The following ASXL1 variants were observed in gnomAD, a reference collection of about 807,000 sequenced individuals.
The protein encoded by ASXL1 is ASXL transcriptional regulator 1, also known as polycomb group protein ASXL1.
A neutral mutation model predicts 89.1 loss-of-function variants in ASXL1; 65 were observed. That is an observed-to-expected ratio of 0.73 (90% confidence interval 0.60 to 0.90). ASXL1 has a LOEUF of 0.90. Among genes scored for constraint, ASXL1 ranks in the 40% least tolerant of loss-of-function variants. The probability of loss-of-function intolerance (pLI) is 0.00; values close to 1 mark genes in which losing one functional copy is unlikely to be tolerated. For missense variants in ASXL1, 1,786 were observed against 1,942.9 expected, an observed-to-expected ratio of 0.92 and a Z score of 1.52; for synonymous variants, 739 against 746.9, an observed-to-expected ratio of 0.99 and a Z score of 0.17.
intron 4 of ASXL1, among the ~76,000 whole-genome samples, chr20:32,378,433 G>A (rs1287436940): frequency 6.6e-6 from 1 of 152,096 alleles, no homozygotes; most frequent in Non-Finnish European, 1.5e-5. Context: ...TTGGAGTTTT[G>A]GATTAGGGAT....
intron 4 of ASXL1, among the ~76,000 whole-genome samples, chr20:32,421,254 C>CAA (rs568332856): frequency 7.3e-6 from 1 of 137,362 alleles, no homozygotes. Context: ...AAAAAAACTT[C>CAA]AAAAAAAAAA....
rs1190695229 is a variant in ASXL1 at position 32,391,614 on chromosome 20, C to A, written c.252+22491C>A. Among the ~76,000 whole-genome samples the A allele has an allele frequency of 7.2e-5, 11 of 152,278 alleles. No homozygotes were observed. The Middle Eastern group carries it at 0.014, about 188-fold the overall frequency. On this transcript the variant is annotated intron_variant, in intron 4 of 12. Transcript: ENST00000375687. ...AAGCGATCCTCTCACCTCAGCCTCCCAGGTAGCTGAGAGTACAGGTGTGTG... is the reference window on the plus strand; with the variant it reads ...AAGCGATCCTCTCACCTCAGCCTCCAAGGTAGCTGAGAGTACAGGTGTGTG...
At chr20:32,363,986 A>G (rs1321737959) in intron 1 of ASXL1, among the ~76,000 whole-genome samples, 1 of 152,222 alleles carries the variant, frequency 6.6e-6, no homozygotes, top group Non-Finnish European at 1.5e-5. Flanking sequence ...CATTGTAGGC[A>G]TTACTTACAT....
At chr20:32,431,133 C>A (rs1284254516) in intron 8 of ASXL1, 188 bp from the exon 9 acceptor site, 1 of 764,228 alleles carries the variant, frequency 1.3e-6, no homozygotes, top group South Asian at 1.5e-5. Flanking sequence ...CAAGTGTTCT[C>A]CTGGGTTTGA....
intron 12 of ASXL1, 123 bp downstream of exon 12, chr20:32,434,040 A>T (rs2011633057): frequency 7.2e-7 from 1 of 1,395,898 alleles, no homozygotes; most frequent in South Asian, 1.2e-5. Flanking sequence ...GCTTTTTATG[A>T]GAGGTTTGCT....
chr20:32,390,031 T>C (rs976760566), intron 4 of ASXL1, among the ~76,000 whole-genome samples: 3 of 152,270 alleles, frequency 2.0e-5, no homozygotes, highest in African/African-American at 4.8e-5. Flanking sequence ...CCTTGACTTA[T>C]GATGTTTTTG....
At chr20:32,421,236 T>C (rs1039768489) in intron 4 of ASXL1, among the ~76,000 whole-genome samples, 6 of 113,680 alleles carry the variant, frequency 5.3e-5, no homozygotes, top group Non-Finnish European at 9.6e-5. Context: ...AAAGTAAAAT[T>C]TAAAAAAAAA....
At position 32,435,170 on chromosome 20, in the gene ASXL1, G is replaced by A. The variant is rs757201886; in HGVS notation, c.2458G>A (p.Asp820Asn). 6.2e-7 allele frequency: 1 copy of A among 1,613,918 alleles called. No individual in the cohort carries two copies. Among genetic ancestry groups the A allele is most frequent in the South Asian group, 1.1e-5 (1 of 91,080 alleles). ...TGGTCCCATTCCGTCTCTAGTGGGA[G>A]ATGATACATTAGAGAAAGGAACTGG... ...DNGPIPSLVG[D>N]DTLEKGTGQA... The change falls in exon 13 of 13, where the codon GAT becomes AAT. Residue 820 changes from aspartate to asparagine, a missense_variant. This residue lies in a region of ASXL1 where 1,418 missense variants were observed against 1,427.8 expected (regional missense o/e 0.99). Coordinates refer to ENST00000375687, the MANE Select transcript of ASXL1 (RefSeq NM_015338.6).
At position 32,429,400 on chromosome 20, in the gene ASXL1, G is replaced by C; in HGVS notation, c.534G>C (p.Lys178Asn). ...CTCGAGTTGTCCTGACTCCTCTGAAGGTAAACGGGGCCCACGTGGAATCTG... is the reference window on the plus strand; with the variant it reads ...CTCGAGTTGTCCTGACTCCTCTGAACGTAAACGGGGCCCACGTGGAATCTG... The part of the protein sequence containing the change: ...MLPRVVLTPL[K>N]VNGAHVESAS... Residue 178 changes from lysine to asparagine, a missense_variant, in exon 7 of 13, where the codon AAG becomes AAC. Lys to Asn is a moderately conservative substitution (Grantham distance 94). Coordinates refer to ENST00000375687, the MANE Select transcript of ASXL1 (RefSeq NM_015338.6). This position sits in a 1 kb window ranked among gnomAD's most constrained non-coding sequence, Gnocchi z 4.9. 6.2e-7 allele frequency: 1 copy of C among 1,614,184 alleles called. No individual in the cohort carries two copies. Among genetic ancestry groups the C allele is most frequent in the African/African-American group, 1.3e-5 (1 of 75,046 alleles).
chr20:32,373,713 G>C (rs2048335906), intron 4 of ASXL1, among the ~76,000 whole-genome samples: 1 of 151,798 alleles, frequency 6.6e-6, no homozygotes, highest in Admixed American at 6.6e-5. Flanking sequence ...CTGAAAATGC[G>C]AAAATTAGCT....
chr20:32,399,664 T>C (rs1480265930), intron 4 of ASXL1, among the ~76,000 whole-genome samples: 3 of 151,744 alleles, frequency 2.0e-5, no homozygotes, highest in African/African-American at 7.3e-5. Context: ...TCTATTTCTG[T>C]GCCTTTGAAT....
chr20:32,416,554 C>T (rs142566140), intron 4 of ASXL1, among the ~76,000 whole-genome samples: 7 of 152,222 alleles, frequency 4.6e-5, no homozygotes, highest in Admixed American at 1.3e-4. Flanking sequence ...AATAGTGTAC[C>T]ATATCAATAT....
At chr20:32,398,126 A>T (rs776537676) in intron 4 of ASXL1, among the ~76,000 whole-genome samples, 41 of 152,242 alleles carry the variant, frequency 2.7e-4, no homozygotes, top group Non-Finnish European at 5.4e-4. Context: ...AATACATTTA[A>T]AATTCATTCA....
chr20:32,432,979 G>T lies in ASXL1; in HGVS notation c.1079G>T (p.Gly360Val). ...GAAAAGTTCTTTGAAGACTACTATG[G>T]ACAGAAGTAAGGCAGTTGGAGCTAT... ...WKEKFFEDYY[G>V]QKLGLTKEES... is the part of the protein sequence containing the mutation. Residue 360 changes from glycine (G) to valine (V), a missense_variant, in exon 11 of 13, where the codon GGA becomes GTA. Physicochemically the swap from Gly to Val is moderately radical, Grantham distance 109. Transcript: ENST00000375687. The T allele has an allele frequency of 6.2e-7, 1 of 1,613,810 alleles. No individual in the cohort carries two copies. Among genetic ancestry groups the T allele is most frequent in the South Asian group, 1.1e-5 (1 of 91,052 alleles).
chr20:32,358,573 C>T lies in ASXL1; in HGVS notation c.-203C>T, dbSNP rs1367011767. The T allele has an allele frequency of 5.0e-6, 1 of 201,824 alleles. No individual in the cohort carries two copies. The highest frequency in any genetic ancestry group is 1.0e-5 in the Non-Finnish European group (1 of 98,810). The allele number at this position is 201,824 out of a possible 1,614,324, so 12.5% of individuals were successfully genotyped here. On this transcript the variant is annotated 5_prime_UTR_variant, in exon 1 of 13. Transcript: ENST00000375687. ...GACGCAGCGCGGGCGCGTGGAGCCG[C>T]CGCCGCCCCTCCCCCACCGCCGCTC...
chr20:32,398,283 G>A (rs1245375299), intron 4 of ASXL1, among the ~76,000 whole-genome samples: 2 of 151,902 alleles, frequency 1.3e-5, no homozygotes, highest in Non-Finnish European at 2.9e-5. Flanking sequence ...GTGCAGTGAC[G>A]CGATCTCGGC....
chr20:32,388,715 G>A (rs892928944), intron 4 of ASXL1, among the ~76,000 whole-genome samples: 4 of 152,042 alleles, frequency 2.6e-5, no homozygotes, highest in African/African-American at 9.7e-5. Context: ...GCCTTTTCCA[G>A]TTTTATTATC....
intron 4 of ASXL1, among the ~76,000 whole-genome samples, chr20:32,423,385 A>G (rs6141308): frequency 0.36 from 53,251 of 148,470 alleles, 10,453 homozygotes; most frequent in East Asian, 0.74. Flanking sequence ...GTGTGCCACC[A>G]TGCCTAGCTA....
rs1488122267 is a variant in ASXL1 at position 32,426,541 on chromosome 20, CTTTTTTTTCTTTCTT to C, written c.253-1578_253-1564del. 6.9e-4 allele frequency among the ~76,000 whole-genome samples: 64 copies of C among 92,544 alleles called. 1 individual carries two copies. Among genetic ancestry groups the C allele is most frequent in the South Asian group, 6.4e-3 (16 of 2,510 alleles). The allele number at this position is 92,544 out of a possible 152,430, so 60.7% of individuals were successfully genotyped here. On this transcript the variant is annotated intron_variant, in intron 4 of 12. Transcript: ENST00000375687. ...AGGTAAAGATGTAGAAAACTGTTTT[CTTTTTTTTCTTTCTT>C]TTTTTTTTTTTTTTTTTTTTTTGAG...
Sources: allele counts gnomAD v4.1 joint callset (sites outside exome capture counted in the v4.1 genomes callset), GRCh38; gene constraint gnomAD v4.1.1; regional missense constraint gnomAD v4.1.1; non-coding constraint Gnocchi (gnomAD v3.1); transcripts MANE v1.5; gene names NCBI Gene and HGNC (gene_info 2026-07-23, HGNC 2026-07-21).